The following ARID3B variants were observed in gnomAD, a reference collection of about 807,000 sequenced individuals.
The protein encoded by ARID3B is AT-rich interaction domain 3B, also known as AT-rich interactive domain-containing protein 3B.
Under a neutral mutation model 51.9 loss-of-function variants are expected in ARID3B, and 10 were observed. The ratio of observed to expected loss-of-function variants is 0.19; its 90% CI spans 0.12 to 0.33. The LOEUF (loss-of-function observed/expected upper bound fraction) is 0.33. Ranked by LOEUF, ARID3B falls within the 10% of genes least tolerant of loss-of-function variation. ARID3B has a pLI of 1.00. For synonymous variants in ARID3B, 205 were observed against 279.5 expected (o/e 0.73, Z 2.66); for missense variants, 483 against 716.3 (o/e 0.67, Z 3.72).
chr15:74,551,886 C>G (rs948229407), intron 2 of ARID3B, among the ~76,000 whole-genome samples: 3 of 152,016 alleles, frequency 2.0e-5, no homozygotes, highest in African/African-American at 4.8e-5. Flanking sequence ...CTGTTTCTTC[C>G]ATGTCCCTGA....
intron 1 of ARID3B, among the ~76,000 whole-genome samples, chr15:74,541,862 G>A (rs967912793): frequency 1.3e-5 from 2 of 152,108 alleles, no homozygotes; most frequent in East Asian, 3.9e-4. Context: ...ATGGGGGAGG[G>A]GCCCGTGTGA....
intron 2 of ARID3B, among the ~76,000 whole-genome samples, chr15:74,564,866 G>T (rs1384118019): frequency 1.3e-5 from 2 of 152,050 alleles, no homozygotes; most frequent in Non-Finnish European, 2.9e-5. Context: ...CTCCCAAAGT[G>T]CTGAGATTAC....
At chr15:74,556,342 ATATCT>A (rs1283157924) in intron 2 of ARID3B, among the ~76,000 whole-genome samples, 2 of 152,200 alleles carry the variant, frequency 1.3e-5, no homozygotes, top group Non-Finnish European at 2.9e-5. Context: ...GTGAAGTTTG[ATATCT>A]TATATGGGTG....
chr15:74,593,551 CTG>C (rs2061812132), intron 8 of ARID3B, among the ~76,000 whole-genome samples: 1 of 152,232 alleles, frequency 6.6e-6, no homozygotes, highest in Non-Finnish European at 1.5e-5. Flanking sequence ...CTTTCTCTGA[CTG>C]TAATTCAGCT....
intron 2 of ARID3B, among the ~76,000 whole-genome samples, chr15:74,554,477 A>G (rs527321289): frequency 9.9e-5 from 15 of 151,112 alleles, no homozygotes; most frequent in Middle Eastern, 3.5e-3. Flanking sequence ...TAATTTTTGT[A>G]TTTTTAGTAG....
intron 2 of ARID3B, among the ~76,000 whole-genome samples, chr15:74,567,436 A>ATT (rs1046478197): frequency 6.9e-6 from 1 of 144,484 alleles, no homozygotes. Flanking sequence ...GGTGGGAACA[A>ATT]TTTTTTTTTT....
intron 2 of ARID3B, among the ~76,000 whole-genome samples, chr15:74,562,669 A>G (rs2061683307): frequency 6.6e-6 from 1 of 152,160 alleles, no homozygotes; most frequent in Admixed American, 6.5e-5. Context: ...TAAGTTGAAG[A>G]GCACGTGTAC....
chr15:74,585,565 A>C (rs555169525), intron 4 of ARID3B, among the ~76,000 whole-genome samples: 2 of 152,358 alleles, frequency 1.3e-5, no homozygotes, highest in Admixed American at 6.5e-5. Flanking sequence ...TTATCGATTT[A>C]TATCTTGCTG....
rs377327250 is a variant in ARID3B, at chr15:74,581,452, T to C, written c.697+8248T>C. Among the ~76,000 whole-genome samples the C allele has an allele frequency of 4.7e-4, 71 of 152,352 alleles. 1 individual carries two copies. The highest frequency in any genetic ancestry group is 1.6e-3 in the African/African-American group (67 of 41,580). Reference sequence around the variant, plus strand: ...AAATGGTCTGTGCCCTGGACACCCTTCCTGGCAGACGAAAATATGTTGTCT... The same window carrying C: ...AAATGGTCTGTGCCCTGGACACCCTCCCTGGCAGACGAAAATATGTTGTCT... On this transcript the variant is annotated intron_variant, in intron 4 of 8. Transcript: ENST00000346246.
chr15:74,552,731 C>T (rs2061642652), intron 2 of ARID3B, among the ~76,000 whole-genome samples: 1 of 152,104 alleles, frequency 6.6e-6, no homozygotes, highest in Admixed American at 6.6e-5. Flanking sequence ...TAGTAATGTG[C>T]ATTTAAGCTT....
intron 2 of ARID3B, among the ~76,000 whole-genome samples, chr15:74,556,306 A>G (rs184985246): frequency 6.6e-6 from 1 of 152,234 alleles, no homozygotes; most frequent in African/African-American, 2.4e-5. Context: ...TTGGTGGAGC[A>G]GTCAGAATAC....
rs1488209764 is a variant in ARID3B, at chr15:74,579,872, T to TGTGTGTGC, written c.697+6669_697+6670insTGTGTGCG. On this transcript the variant is annotated intron_variant, in intron 4 of 8. Coordinates refer to ENST00000346246, the MANE Select transcript of ARID3B (RefSeq NM_006465.4). Reference sequence around the variant, plus strand: ...GTGTGTGTGTGTGTGTGTGTGTGTGTGCGCGCGCGCGCACACGCAAAAAAT... The same window carrying TGTGTGTGC: ...GTGTGTGTGTGTGTGTGTGTGTGTGTGTGTGTGCGCGCGCGCGCGCACACGCAAAAAAT... Among the ~76,000 whole-genome samples, 898 of 118,882 alleles carry TGTGTGTGC rather than the reference T, an allele frequency of 7.6e-3. 6 individuals carry two copies. The highest frequency in any genetic ancestry group is 9.7e-3 in the Non-Finnish European group (590 of 60,870). The allele number at this position is 118,882 out of a possible 152,430, so 78.0% of individuals were successfully genotyped here.
rs958609373 is a variant in ARID3B, at chr15:74,543,894, G to C, written c.-43G>C. 6.4e-7 allele frequency: 1 copy of C among 1,574,024 alleles called. No homozygotes were observed. Among genetic ancestry groups the C allele is most frequent in the Non-Finnish European group, 8.6e-7 (1 of 1,160,188 alleles). On this transcript the variant is annotated 5_prime_UTR_variant, in exon 2 of 9. Transcript: ENST00000346246. ...CAGTGTGCCTGGTGGGCTGTGCCCA[G>C]GTTCAGAGTCATGCCACTCTGTGGG...
At chr15:74,579,872 T>TGTGC (rs1488209764) in intron 4 of ARID3B, among the ~76,000 whole-genome samples, 1,992 of 118,736 alleles carry the variant, frequency 0.017, 21 homozygotes, top group Non-Finnish European at 0.021. Context: ...TGTGTGTGTG[T>TGTGC]GCGCGCGCGC....
chr15:74,577,704 G>T (rs8025068), intron 4 of ARID3B, among the ~76,000 whole-genome samples: 43,134 of 150,870 alleles, frequency 0.29, 7,054 homozygotes, highest in East Asian at 0.54. Flanking sequence ...CTGTTTTTTT[G>T]TGTGTGTGTG....
At chr15:74,583,544 C>G (rs1258313000) in intron 4 of ARID3B, among the ~76,000 whole-genome samples, 1 of 151,976 alleles carries the variant, frequency 6.6e-6, no homozygotes, top group African/African-American at 2.4e-5. Context: ...TGGTGAAACC[C>G]TGTCTCCACT....
intron 2 of ARID3B, among the ~76,000 whole-genome samples, chr15:74,561,192 TG>T (rs1193163172): frequency 1.3e-5 from 2 of 152,202 alleles, no homozygotes; most frequent in Non-Finnish European, 2.9e-5. Flanking sequence ...CTGTCATACT[TG>T]AGAAGGCCTT....
chr15:74,541,599 G>C (rs1359495141), intron 1 of ARID3B, among the ~76,000 whole-genome samples: 1 of 152,138 alleles, frequency 6.6e-6, no homozygotes, highest in East Asian at 1.9e-4. Context: ...AGGTGGGGCG[G>C]GGGCCATCGG....
At chr15:74,583,193 C>T (rs2061768191) in intron 4 of ARID3B, among the ~76,000 whole-genome samples, 1 of 151,844 alleles carries the variant, frequency 6.6e-6, no homozygotes, top group South Asian at 2.1e-4. Context: ...GAGTGAGACT[C>T]CACCTAAAAA....
Sources: gnomAD v4.1 joint callset for allele counts (sites outside exome capture counted in the v4.1 genomes callset) on GRCh38, gnomAD v4.1.1 for gene constraint, MANE v1.5 for transcripts, NCBI Gene and HGNC (gene_info 2026-07-23, HGNC 2026-07-21) for gene names.